LARP1B: variants seen among roughly 807,000 people sequenced by gnomAD.
LARP1B encodes the protein La ribonucleoprotein 1B.
Under a neutral mutation model 114.2 loss-of-function variants are expected in LARP1B, and 76 were observed. The ratio of observed to expected loss-of-function variants is 0.67; its 90% CI spans 0.55 to 0.81. The LOEUF is 0.81. Ranked by LOEUF, LARP1B falls within the 30% of genes least tolerant of loss-of-function variation. LARP1B has a pLI of 0.00. For synonymous variants in LARP1B, 345 were observed against 348.0 expected (o/e 0.99, Z 0.10); for missense variants, 1,014 against 1,075.8 (o/e 0.94, Z 0.80).
At chr4:128,065,323 CT>C (rs879371337) in intron 1 of LARP1B, among the ~76,000 whole-genome samples, 2,040 of 110,738 alleles carry the variant, frequency 0.018, 72 homozygotes, top group Admixed American at 0.024. Context: ...CTTTCTCTCT[CT>C]CTCTCTCTTT....
At chr4:128,123,127 A>G in intron 11 of LARP1B, 2 of 985,386 alleles carry the variant, frequency 2.0e-6, no homozygotes, top group Non-Finnish European at 2.4e-6. Flanking sequence ...CATCAACAAG[A>G]AGTGTGCTAG....
rs1338758829 is a variant in LARP1B at position 128,206,543 on chromosome 4, A to G, written c.2419+6A>G. Reference sequence around the variant, plus strand: ...CAAAAAAGACTACGAATCTGGTAACAATAACATCAGAAAACTTGTACTCTA... The same window carrying G: ...CAAAAAAGACTACGAATCTGGTAACGATAACATCAGAAAACTTGTACTCTA... On this transcript the variant is annotated splice_donor_region_variant and intron_variant, in intron 18 of 19. Transcript: ENST00000326639. 1.2e-6 allele frequency: 2 copies of G among 1,600,356 alleles called. No individual in the cohort carries two copies. The highest frequency in any genetic ancestry group is 2.7e-5 in the African/African-American group (2 of 74,044).
intron 7 of LARP1B, chr4:128,093,019 CAG>C: frequency 1.0e-6 from 1 of 985,376 alleles, no homozygotes; most frequent in Non-Finnish European, 1.2e-6. Context: ...GTGTAGAATC[CAG>C]AGCCTCTAAG....
At chr4:128,206,870 G>A in intron 18 of LARP1B, 1 of 976,388 alleles carries the variant, frequency 1.0e-6, no homozygotes, top group Non-Finnish European at 1.2e-6. Flanking sequence ...AAATAGCACA[G>A]TGGTTAAGAG....
chr4:128,167,695 CT>C (rs1741747227), intron 12 of LARP1B, among the ~76,000 whole-genome samples: 1 of 151,992 alleles, frequency 6.6e-6, no homozygotes, highest in East Asian at 1.9e-4. Flanking sequence ...ATTTTGGGAA[CT>C]TTGACAGATG....
At chr4:128,094,659 A>G (rs1392808598) in intron 7 of LARP1B, among the ~76,000 whole-genome samples, 1 of 151,918 alleles carries the variant, frequency 6.6e-6, no homozygotes, top group Non-Finnish European at 1.5e-5. Context: ...TGGCCAGGAC[A>G]GTTTGTTATT....
chr4:128,197,020 A>G (rs1284443173), intron 15 of LARP1B, among the ~76,000 whole-genome samples: 1 of 152,196 alleles, frequency 6.6e-6, no homozygotes, highest in African/African-American at 2.4e-5. Context: ...AAAGTAGAAT[A>G]GAGGTTACTA....
chr4:128,174,849 A>G lies in LARP1B; in HGVS notation c.1649-2023A>G, dbSNP rs181705317. 2.1e-3 allele frequency among the ~76,000 whole-genome samples: 313 copies of G among 152,228 alleles called. 3 individuals are homozygous for G. The highest frequency in any genetic ancestry group is 7.3e-3 in the African/African-American group (305 of 41,580). Reference sequence around the variant, plus strand: ...TATGTATGTAAATTTTTACAGCACCATTAATTCACCTAACAAAAATAGCAA... The same window carrying G: ...TATGTATGTAAATTTTTACAGCACCGTTAATTCACCTAACAAAAATAGCAA... On this transcript the variant is annotated intron_variant, in intron 12 of 19. Transcript: ENST00000326639.
At chr4:128,065,642 A>G (rs575963610) in intron 1 of LARP1B, among the ~76,000 whole-genome samples, 39 of 152,144 alleles carry the variant, frequency 2.6e-4, no homozygotes, top group African/African-American at 8.9e-4. Context: ...TAGTGCAGGT[A>G]TTGTTACTAA....
chr4:128,093,436 A>G (rs559270381), intron 7 of LARP1B, among the ~76,000 whole-genome samples: 90 of 152,092 alleles, frequency 5.9e-4, no homozygotes, highest in African/African-American at 2.1e-3. Context: ...CTCTACTAAA[A>G]ATACAAAAAA....
At chr4:128,078,257 C>T (rs1341105673) in intron 4 of LARP1B, among the ~76,000 whole-genome samples, 1 of 152,064 alleles carries the variant, frequency 6.6e-6, no homozygotes, top group Non-Finnish European at 1.5e-5. Context: ...TTTAGATCTG[C>T]ATTGGAACTG....
intron 11 of LARP1B, among the ~76,000 whole-genome samples, chr4:128,160,472 G>A (rs1485958339): frequency 6.6e-6 from 1 of 152,028 alleles, no homozygotes; most frequent in Non-Finnish European, 1.5e-5. Flanking sequence ...GATTAAGTCT[G>A]TTTACCTTCG....
intron 9 of LARP1B, chr4:128,107,525 G>A (rs985173194): frequency 6.1e-5 from 84 of 1,385,744 alleles, no homozygotes; most frequent in Non-Finnish European, 7.7e-5. Flanking sequence ...GCTGTCTTAT[G>A]TTTCTTGTTC....
intron 11 of LARP1B, among the ~76,000 whole-genome samples, chr4:128,132,766 G>T (rs1478298098): frequency 6.6e-6 from 1 of 151,802 alleles, no homozygotes; most frequent in African/African-American, 2.4e-5. Context: ...TGGGGGGCAT[G>T]GTTTTGGAAT....
At chr4:128,136,755 A>T (rs1725494824) in intron 11 of LARP1B, among the ~76,000 whole-genome samples, 1 of 152,146 alleles carries the variant, frequency 6.6e-6, no homozygotes, top group Non-Finnish European at 1.5e-5. Context: ...TAAACTGGTG[A>T]TTTTATTTGT....
intron 5 of LARP1B, among the ~76,000 whole-genome samples, chr4:128,086,009 C>CTT (rs143345158): frequency 3.5e-3 from 323 of 91,250 alleles, no homozygotes; most frequent in Non-Finnish European, 4.0e-3. Context: ...TCATGGTATT[C>CTT]TTTTTTTTTT....
chr4:128,214,453 T>C (rs1009199071), downstream of LARP1B, among the ~76,000 whole-genome samples: 1 of 151,316 alleles, frequency 6.6e-6, no homozygotes, highest in African/African-American at 2.4e-5. Context: ...CAGCTGGAGA[T>C]CTGAGAACTG....
chr4:128,171,242 C>T (rs930362857), intron 12 of LARP1B, among the ~76,000 whole-genome samples: 1 of 152,090 alleles, frequency 6.6e-6, no homozygotes, highest in East Asian at 1.9e-4. Flanking sequence ...AATCCTACCA[C>T]CTCAGCCTCC....
At chr4:128,061,668 G>C (rs1560990085) in intron 1 of LARP1B, 4 of 984,438 alleles carry the variant, frequency 4.1e-6, no homozygotes, top group Non-Finnish European at 4.8e-6. Context: ...GGCCACCCCG[G>C]CTGGGGCGGC....
Sources: gnomAD v4.1 joint callset for allele counts (sites outside exome capture counted in the v4.1 genomes callset) on GRCh38, gnomAD v4.1.1 for gene constraint, MANE v1.5 for transcripts, NCBI Gene and HGNC (gene_info 2026-07-23, HGNC 2026-07-21) for gene names.